Variants in ANKS1B observed in about 807,000 individuals in gnomAD.
The protein encoded by ANKS1B is ankyrin repeat and sterile alpha motif domain containing 1B, also known as ankyrin repeat and sterile alpha motif domain-containing protein 1B.
Under a neutral mutation model 148.3 loss-of-function variants are expected in ANKS1B, and 36 were observed. The observed-to-expected ratio is 0.24, with a 90% CI of 0.19 to 0.32. The LOEUF (loss-of-function observed/expected upper bound fraction) is 0.32. Ranked by LOEUF, ANKS1B falls within the 10% of genes least tolerant of loss-of-function variation. The pLI is 1.00. For synonymous variants in ANKS1B, 542 were observed against 560.8 expected (o/e 0.97, Z 0.47); for missense variants, 1,157 against 1,542.6 (o/e 0.75, Z 4.19).
chr12:99,398,209 T>C (rs2094306094), intron 12 of ANKS1B, among the ~76,000 whole-genome samples: 1 of 152,176 alleles, frequency 6.6e-6, no homozygotes, highest in African/African-American at 2.4e-5. Flanking sequence ...TTCCATAGAA[T>C]GTCAATCTTA....
At chr12:99,576,715 T>C (rs1355918691) in intron 9 of ANKS1B, among the ~76,000 whole-genome samples, 1 of 152,136 alleles carries the variant, frequency 6.6e-6, no homozygotes, top group African/African-American at 2.4e-5. Context: ...TGCCAGAATC[T>C]CTGAGACACA....
intron 14 of ANKS1B, 37 bp downstream of exon 14, chr12:99,244,305 C>T (rs778183915): frequency 6.9e-7 from 1 of 1,444,730 alleles, no homozygotes; most frequent in South Asian, 1.2e-5. Context: ...TCCTTAAGCA[C>T]ATTTATTCAT....
At chr12:99,699,667 G>T (rs1330999168) in intron 8 of ANKS1B, among the ~76,000 whole-genome samples, 1 of 152,142 alleles carries the variant, frequency 6.6e-6, no homozygotes, top group Non-Finnish European at 1.5e-5. Context: ...TAAGTAATTT[G>T]TAAGACTTGC....
chr12:99,201,147 G>A (rs892722070), intron 14 of ANKS1B, among the ~76,000 whole-genome samples: 1 of 152,156 alleles, frequency 6.6e-6, no homozygotes, highest in East Asian at 1.9e-4. Flanking sequence ...ATAAGCAAGA[G>A]AGGCAGGTGA....
At chr12:99,323,618 T>C (rs1284373201) in intron 12 of ANKS1B, among the ~76,000 whole-genome samples, 2 of 152,236 alleles carry the variant, frequency 1.3e-5, no homozygotes, top group Non-Finnish European at 2.9e-5. Context: ...ACTTGCCTTA[T>C]TTGTCACATT....
At chr12:98,877,852 T>C (rs1355660740) in intron 17 of ANKS1B, among the ~76,000 whole-genome samples, 1 of 152,192 alleles carries the variant, frequency 6.6e-6, no homozygotes, top group African/African-American at 2.4e-5. Context: ...AATCACAAAC[T>C]CATCCTCTAT....
rs991219043 is a variant in ANKS1B, at chr12:99,606,919, T to C, written c.1272+48148A>G. On this transcript the variant is annotated intron_variant, in intron 9 of 26. Transcript: ENST00000683438. ...TCTGAAACACTGGACACAGATACCC[T>C]CCCCATTGTTCACCCCAGCCATCCT... is the stretch of plus-strand genomic sequence containing the variant. Among the ~76,000 whole-genome samples the C allele has an allele frequency of 2.0e-5, 3 of 151,948 alleles. 1 individual carries two copies. The highest frequency in any genetic ancestry group is 4.4e-5 in the Non-Finnish European group (3 of 67,966).
intron 8 of ANKS1B, among the ~76,000 whole-genome samples, chr12:99,667,624 T>C (rs1390392508): frequency 1.3e-5 from 2 of 152,222 alleles, no homozygotes; most frequent in Non-Finnish European, 2.9e-5. Context: ...CAGTACAATG[T>C]TGAATACAAA....
At chr12:98,873,819 G>A (rs532322290) in intron 17 of ANKS1B, among the ~76,000 whole-genome samples, 1 of 152,314 alleles carries the variant, frequency 6.6e-6, no homozygotes, top group African/African-American at 2.4e-5. Context: ...ATGAGCAAAT[G>A]GGAAATAAGC....
rs79164944 is a variant in ANKS1B at position 99,655,173 on chromosome 12, A to G, written c.1166T>C (p.Val389Ala). The G allele has an allele frequency of 3.2e-3, 5,091 of 1,611,988 alleles. 160 individuals carry two copies. The Admixed American group carries it at 0.051, about 16-fold the overall frequency. The part of the protein sequence containing the change: ...SSTINLSPGE[V>A]EEEDDDENTC... ...ATTTTCATCATCATCCTCTTCTTCC[A>G]CTTCTCCTGGTGACAAATTGATTGT... Residue 389 changes from valine to alanine, a missense_variant, in exon 9 of 27, where the codon GTG becomes GCG. Around this residue, in one of 6 missense-constraint regions of ANKS1B, gnomAD observed 661 missense variants for 642.1 expected, o/e 1.03. Transcript: ENST00000683438.
intron 17 of ANKS1B, among the ~76,000 whole-genome samples, chr12:98,842,390 C>G (rs143260954): frequency 6.6e-6 from 1 of 152,188 alleles, no homozygotes; most frequent in African/African-American, 2.4e-5. Context: ...ACTATATGTA[C>G]AGAAAACATA....
At chr12:98,917,910 T>C (rs989841772) in intron 17 of ANKS1B, among the ~76,000 whole-genome samples, 1 of 152,248 alleles carries the variant, frequency 6.6e-6, no homozygotes, top group Admixed American at 6.5e-5. Context: ...CAAACACTTA[T>C]GGCAGTGCCA....
At chr12:99,736,931 G>C (rs1280397792) in intron 8 of ANKS1B, among the ~76,000 whole-genome samples, 1 of 151,890 alleles carries the variant, frequency 6.6e-6, no homozygotes, top group Non-Finnish European at 1.5e-5. Flanking sequence ...GGCCACCAGG[G>C]ATATGGAAAA....
chr12:98,876,283 T>C (rs2099689639), intron 17 of ANKS1B, among the ~76,000 whole-genome samples: 3 of 152,018 alleles, frequency 2.0e-5, no homozygotes, highest in Admixed American at 1.3e-4. Flanking sequence ...CTGTAACTGC[T>C]GGAAGTGCCC....
chr12:99,665,598 TGCCTCA>T (rs1383801311), intron 8 of ANKS1B, among the ~76,000 whole-genome samples: 1 of 152,090 alleles, frequency 6.6e-6, no homozygotes, highest in African/African-American at 2.4e-5. Flanking sequence ...GCCATTCTCC[TGCCTCA>T]GCCTCCCAAG....
rs188498008 is a variant in ANKS1B, at chr12:99,247,516, G to A, written c.1757-652C>T. Among the ~76,000 whole-genome samples, 202 of 152,196 alleles carry A rather than the reference G, an allele frequency of 1.3e-3. 1 individual carries two copies. The highest frequency in any genetic ancestry group is 4.6e-3 in the African/African-American group (189 of 41,522). Reference sequence around the variant, plus strand: ...AGAGACTCCAATATAAGAAACTAATGTTTAGCTATGAACACAAAGGTAGCT... The same window carrying A: ...AGAGACTCCAATATAAGAAACTAATATTTAGCTATGAACACAAAGGTAGCT... On this transcript the variant is annotated intron_variant, in intron 12 of 26. Coordinates refer to ENST00000683438, the MANE Select transcript of ANKS1B (RefSeq NM_001352186.2).
intron 8 of ANKS1B, among the ~76,000 whole-genome samples, chr12:99,749,824 T>C (rs1018168876): frequency 2.6e-5 from 4 of 152,078 alleles, no homozygotes; most frequent in African/African-American, 9.6e-5. Flanking sequence ...TTAAAGATTC[T>C]GGCATATGAA....
intron 24 of ANKS1B, 36 bp downstream of exon 24, chr12:98,781,081 T>A: frequency 7.7e-7 from 1 of 1,305,166 alleles, no homozygotes; most frequent in Non-Finnish European, 1.1e-6. Context: ...CAGGACTGCA[T>A]CTGGTGTCTA....
intron 1 of ANKS1B, among the ~76,000 whole-genome samples, chr12:99,926,085 A>G (rs2094471524): frequency 6.6e-6 from 1 of 152,232 alleles, no homozygotes; most frequent in South Asian, 2.1e-4. Flanking sequence ...ATAGAATGAT[A>G]AAGGGTTATA....
Sources: allele counts gnomAD v4.1 joint callset (sites outside exome capture counted in the v4.1 genomes callset), GRCh38; gene constraint gnomAD v4.1.1; regional missense constraint gnomAD v4.1.1; transcripts MANE v1.5; gene names NCBI Gene and HGNC (gene_info 2026-07-23, HGNC 2026-07-21).